The following GHRHR variants were observed in gnomAD, a reference collection of about 807,000 sequenced individuals.
The protein encoded by GHRHR is growth hormone releasing hormone receptor.
Under a neutral mutation model 58.3 loss-of-function variants are expected in GHRHR, and 40 were observed. The observed-to-expected ratio is 0.69, with a 90% CI of 0.53 to 0.89. GHRHR has a LOEUF of 0.89. Among genes scored for constraint, GHRHR ranks in the 40% least tolerant of loss-of-function variants. The probability of loss-of-function intolerance (pLI) is 0.00; values close to 1 mark genes in which losing one functional copy is unlikely to be tolerated. For synonymous variants in GHRHR, 249 were observed against 216.6 expected (o/e 1.15, Z -1.31); for missense variants, 551 against 541.3 (o/e 1.02, Z -0.18).
chr7:30,973,867 C>T (rs1343854567), intron 6 of GHRHR, 118 bp from the exon 7 acceptor site: 3 of 1,000,392 alleles, frequency 3.0e-6, no homozygotes, highest in South Asian at 2.6e-5. Context: ...CAAGGAGCTG[C>T]AGGTCCCAGC....
chr7:30,970,047 T>G, intron 4 of GHRHR, 83 bp downstream of exon 4: 1 of 782,768 alleles, frequency 1.3e-6, no homozygotes, highest in South Asian at 1.3e-5. Flanking sequence ...GCCGCCATTC[T>G]CTAGCCTGCA....
At chr7:30,977,389 C>T (rs750858647) in intron 12 of GHRHR, 67 bp downstream of exon 12, 9 of 1,360,884 alleles carry the variant, frequency 6.6e-6, no homozygotes, top group Non-Finnish European at 9.5e-6. Context: ...CCCTCCTCCT[C>T]TCTCCCACTC....
chr7:30,967,350 G>A (rs538674982), intron 1 of GHRHR, among the ~76,000 whole-genome samples: 2 of 152,254 alleles, frequency 1.3e-5, no homozygotes, highest in Admixed American at 1.3e-4. Context: ...TGGTTCTTGA[G>A]GCACACTTTC....
At chr7:30,969,569 C>T in intron 3 of GHRHR, 1 of 603,268 alleles carries the variant, frequency 1.7e-6, no homozygotes, top group Non-Finnish European at 2.9e-6. Flanking sequence ...CAGTGAGGGC[C>T]TCTTTTCTCC....
At chr7:30,977,227 C>T (rs544997173) in intron 11 of GHRHR, 54 bp from the exon 12 acceptor site, 1 of 1,543,962 alleles carries the variant, frequency 6.5e-7, no homozygotes, top group Non-Finnish European at 9.0e-7. Flanking sequence ...ACGGTGGACA[C>T]CTTCAGGCCA....
At chr7:30,970,917 C>A (rs575706961) in intron 4 of GHRHR, 72 of 641,570 alleles carry the variant, frequency 1.1e-4, no homozygotes, top group Middle Eastern at 4.1e-4. Context: ...CCCTCCCTCA[C>A]CCGCAGGTCA....
chr7:30,965,857 C>G (rs891941346), intron 1 of GHRHR, among the ~76,000 whole-genome samples: 3 of 152,354 alleles, frequency 2.0e-5, no homozygotes, highest in South Asian at 4.1e-4. Context: ...GCTCTTCCTT[C>G]CCCGCTTTGT....
In GHRHR at chr7:30,975,011, A is replaced by T. The variant is rs1792549706; in HGVS notation, c.853A>T (p.Ile285Phe). 7 of 1,613,254 alleles carry T rather than the reference A, an allele frequency of 4.3e-6. No homozygotes were observed. Among genetic ancestry groups the T allele is most frequent in the Non-Finnish European group, 5.9e-6 (7 of 1,179,220 alleles). Residue 285 changes from isoleucine (I) to phenylalanine (F), a missense_variant, in exon 9 of 13, where the codon ATC (isoleucine) becomes TTC (phenylalanine). By Grantham distance (21) the Ile-to-Phe change is conservative. Coordinates refer to ENST00000326139, the MANE Select transcript of GHRHR (RefSeq NM_000823.4). ...CGACACCTCCCCCTACTGGTGGATCATCAAAGGGCCCATTGTCCTCTCGGT... is the reference window on the plus strand; with the variant it reads ...CGACACCTCCCCCTACTGGTGGATCTTCAAAGGGCCCATTGTCCTCTCGGT... ...LDDTSPYWWI[I>F]KGPIVLSVGV... is the part of the protein sequence containing the mutation.
chr7:30,976,667 A>G, intron 11 of GHRHR, 109 bp downstream of exon 11: 2 of 904,796 alleles, frequency 2.2e-6, no homozygotes, highest in Admixed American at 2.0e-5. Context: ...TATGTTTTTC[A>G]TCCATCTATT....
intron 5 of GHRHR, 113 bp downstream of exon 5, chr7:30,971,329 A>ACCCAGGC (rs1194519815): frequency 5.7e-6 from 4 of 704,382 alleles, no homozygotes; most frequent in African/African-American, 3.5e-5. Flanking sequence ...TAGGCGCCAT[A>ACCCAGGC]CCCATGTCTA....
intron 1 of GHRHR, among the ~76,000 whole-genome samples, chr7:30,966,514 T>C (rs1792357988): frequency 6.6e-6 from 1 of 152,140 alleles, no homozygotes; most frequent in Non-Finnish European, 1.5e-5. Context: ...TTCCAGATGC[T>C]CTTCTCCCCA....
intron 1 of GHRHR, 69 bp downstream of exon 1, chr7:30,964,194 TG>T: frequency 7.3e-7 from 1 of 1,369,166 alleles, no homozygotes; most frequent in East Asian, 2.5e-5. Context: ...CAGGGCCAAC[TG>T]GAGCCTGGCG....
rs370520406 is a variant in GHRHR at position 30,975,439 on chromosome 7, C to T, written c.883-338C>T. Reference sequence around the variant, plus strand: ...GCTTTGCATGGCTTTGGTAAATGTACAAATGTTTTGCAACTTAGCAACTGT... The same window carrying T: ...GCTTTGCATGGCTTTGGTAAATGTATAAATGTTTTGCAACTTAGCAACTGT... On this transcript the variant is annotated intron_variant, in intron 9 of 12. Coordinates refer to ENST00000326139, the MANE Select transcript of GHRHR (RefSeq NM_000823.4). Among the ~76,000 whole-genome samples, 38 of 152,322 alleles carry T rather than the reference C, an allele frequency of 2.5e-4. No homozygotes were observed. In the South Asian group the frequency reaches 7.7e-3, roughly 31 times the overall value.
intron 1 of GHRHR, among the ~76,000 whole-genome samples, chr7:30,968,298 C>T (rs537755611): frequency 1.3e-5 from 2 of 152,106 alleles, no homozygotes; most frequent in African/African-American, 4.8e-5. Context: ...TTCCAGGGAG[C>T]AGGAGTGGAG....
intron 11 of GHRHR, among the ~76,000 whole-genome samples, chr7:30,976,762 A>T (rs960985136): frequency 6.6e-6 from 1 of 151,972 alleles, no homozygotes; most frequent in Non-Finnish European, 1.5e-5. Flanking sequence ...CCATCCATCC[A>T]TGCATCCATC....
intron 3 of GHRHR, 77 bp downstream of exon 3, chr7:30,969,247 G>C (rs1453147491): frequency 2.9e-6 from 3 of 1,051,936 alleles, no homozygotes; most frequent in South Asian, 2.7e-5. Flanking sequence ...CTGGATTTGG[G>C]GGCAGGCTAA....
At chr7:30,971,859 A>G in intron 5 of GHRHR, 104 bp from the exon 6 acceptor site, 1 of 1,016,540 alleles carries the variant, frequency 9.8e-7, no homozygotes, top group Non-Finnish European at 1.6e-6. Flanking sequence ...GATTGCATCC[A>G]GTTTGATTCG....
At chr7:30,972,194 T>A in intron 6 of GHRHR, 99 bp downstream of exon 6, 1 of 1,371,786 alleles carries the variant, frequency 7.3e-7, no homozygotes, top group Non-Finnish European at 1.0e-6. Flanking sequence ...CCCTGTGGGC[T>A]GACCCTGGGG....
chr7:30,970,018 T>C, intron 4 of GHRHR, 54 bp downstream of exon 4: 1 of 816,306 alleles, frequency 1.2e-6, no homozygotes, highest in Non-Finnish European at 2.2e-6. Context: ...TTTGTATGGG[T>C]GGGTGCACAA....
Sources: gnomAD v4.1 joint callset for allele counts (sites outside exome capture counted in the v4.1 genomes callset) on GRCh38, gnomAD v4.1.1 for gene constraint, MANE v1.5 for transcripts, NCBI Gene and HGNC (gene_info 2026-07-23, HGNC 2026-07-21) for gene names.